PRKCI: variants seen among roughly 807,000 people sequenced by gnomAD.
PRKCI encodes protein kinase C iota, also known as protein kinase C iota type.
Under a neutral mutation model 84.0 loss-of-function variants are expected in PRKCI, and 43 were observed. The ratio of observed to expected loss-of-function variants is 0.51; its 90% CI spans 0.40 to 0.66. The LOEUF is 0.66. Ranked by LOEUF, PRKCI falls within the 30% of genes least tolerant of loss-of-function variation. The probability of loss-of-function intolerance (pLI) is 0.00; values close to 1 mark genes in which losing one functional copy is unlikely to be tolerated. For synonymous variants in PRKCI, 216 were observed against 234.4 expected (o/e 0.92, Z 0.72); for missense variants, 459 against 745.6 (o/e 0.62, Z 4.48).
intron 2 of PRKCI, among the ~76,000 whole-genome samples, chr3:170,237,425 G>C (rs947442649): frequency 1.3e-5 from 2 of 152,078 alleles, no homozygotes; most frequent in African/African-American, 4.8e-5. Flanking sequence ...TACATATTGG[G>C]TACAGTGTAC....
At chr3:170,225,138 CTG>C (rs1172222156) in intron 1 of PRKCI, among the ~76,000 whole-genome samples, 1 of 152,208 alleles carries the variant, frequency 6.6e-6, no homozygotes, top group Non-Finnish European at 1.5e-5. Context: ...CTTTTAAAAT[CTG>C]TGAAATTTTG....
chr3:170,295,210 CA>C (rs971405444), intron 14 of PRKCI, among the ~76,000 whole-genome samples: 7 of 135,930 alleles, frequency 5.1e-5, no homozygotes, highest in Admixed American at 7.6e-5. Context: ...CACTCTGTCT[CA>C]AAAAAAAAAG....
At chr3:170,253,648 G>A (rs1051854541) in intron 2 of PRKCI, among the ~76,000 whole-genome samples, 35 of 152,018 alleles carry the variant, frequency 2.3e-4, no homozygotes, top group Non-Finnish European at 8.8e-5. Context: ...AAAATTAGCC[G>A]GGCGTGGTGG....
At chr3:170,244,739 G>C (rs1199964479) in intron 2 of PRKCI, 1 of 152,072 alleles carries the variant, frequency 6.6e-6, no homozygotes, top group Non-Finnish European at 1.5e-5. Flanking sequence ...CCCCCCAATG[G>C]GGTTCGGAAG....
At chr3:170,296,889 A>G (rs1384706845) in intron 15 of PRKCI, among the ~76,000 whole-genome samples, 1 of 152,192 alleles carries the variant, frequency 6.6e-6, no homozygotes, top group Non-Finnish European at 1.5e-5. Context: ...TGTCTTACAC[A>G]GGTGGTGGTT....
At chr3:170,289,693 A>T (rs1051666610) in intron 12 of PRKCI, among the ~76,000 whole-genome samples, 1 of 152,184 alleles carries the variant, frequency 6.6e-6, no homozygotes, top group Non-Finnish European at 1.5e-5. Context: ...CGGGTGGATC[A>T]CTTGAGGTCA....
chr3:170,263,815 G>A (rs1733792630), intron 4 of PRKCI, among the ~76,000 whole-genome samples: 1 of 151,664 alleles, frequency 6.6e-6, no homozygotes, highest in Non-Finnish European at 1.5e-5. Flanking sequence ...AAAAAAAAAA[G>A]GAAATAGAAG....
At chr3:170,295,601 G>A (rs146202631) in intron 14 of PRKCI, among the ~76,000 whole-genome samples, 2,386 of 150,682 alleles carry the variant, frequency 0.016, 39 homozygotes, top group East Asian at 0.086. Flanking sequence ...ACTTGAACCC[G>A]GGAGGCAGAG....
chr3:170,280,436 G>C, intron 9 of PRKCI, 33 bp downstream of exon 9: 1 of 1,533,768 alleles, frequency 6.5e-7, no homozygotes, highest in Non-Finnish European at 8.8e-7. Flanking sequence ...CTTCTAAACT[G>C]CTTGAGAATA....
At chr3:170,240,428 A>C (rs1733099929) in intron 2 of PRKCI, among the ~76,000 whole-genome samples, 1 of 152,156 alleles carries the variant, frequency 6.6e-6, no homozygotes. Flanking sequence ...TTTCTGGGGA[A>C]AGCTATGAAG....
chr3:170,234,263 T>G (rs1732885502), intron 1 of PRKCI, among the ~76,000 whole-genome samples: 2 of 151,816 alleles, frequency 1.3e-5, no homozygotes, highest in Non-Finnish European at 2.9e-5. Context: ...ACTCCCAACC[T>G]CAGGTGATCC....
At chr3:170,257,655 A>G (rs1350791473) in intron 2 of PRKCI, among the ~76,000 whole-genome samples, 1 of 135,356 alleles carries the variant, frequency 7.4e-6, no homozygotes, top group Non-Finnish European at 1.6e-5. Flanking sequence ...TCTGAATGGG[A>G]AAGAGAATTT....
chr3:170,226,787 G>T (rs1483496406), intron 1 of PRKCI, among the ~76,000 whole-genome samples: 2 of 152,122 alleles, frequency 1.3e-5, no homozygotes, highest in East Asian at 1.9e-4. Flanking sequence ...GTATCTTGAG[G>T]GTTGGGGGGA....
At chr3:170,296,247 T>A (rs553451300) in intron 15 of PRKCI, among the ~76,000 whole-genome samples, 3 of 152,354 alleles carry the variant, frequency 2.0e-5, no homozygotes, top group Admixed American at 1.3e-4. Context: ...GTGTAAATAA[T>A]ATATACCATA....
intron 8 of PRKCI, among the ~76,000 whole-genome samples, chr3:170,278,912 G>A (rs1224248719): frequency 6.6e-6 from 1 of 152,214 alleles, no homozygotes; most frequent in African/African-American, 2.4e-5. Context: ...AGCCATTCAT[G>A]AGGAATCTGT....
At chr3:170,225,270 A>G (rs879506925) in intron 1 of PRKCI, among the ~76,000 whole-genome samples, 104 of 152,192 alleles carry the variant, frequency 6.8e-4, no homozygotes, top group Non-Finnish European at 2.1e-4. Flanking sequence ...AATTGTACCA[A>G]ATTCCTGTCC....
At chr3:170,241,287 A>T (rs927497006) in intron 2 of PRKCI, among the ~76,000 whole-genome samples, 7 of 152,206 alleles carry the variant, frequency 4.6e-5, no homozygotes, top group African/African-American at 1.7e-4. Flanking sequence ...ACCAGAACTT[A>T]CTACTCCTGT....
At chr3:170,284,788 G>A (rs147801059) in intron 12 of PRKCI, among the ~76,000 whole-genome samples, 192 bp downstream of exon 12, 1 of 152,204 alleles carries the variant, frequency 6.6e-6, no homozygotes, top group African/African-American at 2.4e-5. Flanking sequence ...TGTGTTATGT[G>A]TACTACAATA....
intron 2 of PRKCI, among the ~76,000 whole-genome samples, chr3:170,236,159 T>C (rs1488397280): frequency 1.3e-5 from 2 of 151,540 alleles, no homozygotes; most frequent in African/African-American, 4.9e-5. Context: ...TGGAGTGTAG[T>C]GGCATGATAT....
Sources: allele counts gnomAD v4.1 joint callset (sites outside exome capture counted in the v4.1 genomes callset), GRCh38; gene constraint gnomAD v4.1.1; transcripts MANE v1.5; gene names NCBI Gene and HGNC (gene_info 2026-07-23, HGNC 2026-07-21).